Variants in LZTFL1 observed in about 807,000 individuals in gnomAD.
LZTFL1 encodes the protein leucine zipper transcription factor-like protein 1.
LZTFL1 carries 25 observed loss-of-function variants against 45.9 expected under a neutral mutation model. The observed-to-expected ratio is 0.54, with a 90% CI of 0.40 to 0.76. The LOEUF (loss-of-function observed/expected upper bound fraction) is 0.76. Among genes scored for constraint, LZTFL1 ranks in the 30% least tolerant of loss-of-function variants. The probability of loss-of-function intolerance (pLI) is 0.00; values close to 1 mark genes in which losing one functional copy is unlikely to be tolerated. For missense variants in LZTFL1, 277 were observed against 331.1 expected (o/e 0.84, Z 1.27); for synonymous variants, 93 against 117.4 (o/e 0.79, Z 1.35).
At chr3:45,874,765 T>C (rs575398624) in intron 2 of LZTFL1, among the ~76,000 whole-genome samples, 15 of 152,244 alleles carry the variant, frequency 9.9e-5, no homozygotes, top group Non-Finnish European at 2.1e-4. Flanking sequence ...ACCAATAGTA[T>C]GCAACAAAGT....
chr3:45,834,696 T>C (rs910486851), intron 3 of LZTFL1: 1 of 157,834 alleles, frequency 6.3e-6, no homozygotes, highest in Non-Finnish European at 1.4e-5. Context: ...CTCAGAAAAA[T>C]GAAAATAGTC....
chr3:45,839,214 G>A (rs1289204331), intron 1 of LZTFL1, among the ~76,000 whole-genome samples: 8 of 151,954 alleles, frequency 5.3e-5, no homozygotes, highest in African/African-American at 1.5e-4. Context: ...TCAGGCTCCC[G>A]AGTAGCTGGG....
chr3:45,869,207 G>T (rs569253879), intron 2 of LZTFL1, among the ~76,000 whole-genome samples: 67 of 152,358 alleles, frequency 4.4e-4, no homozygotes, highest in African/African-American at 1.5e-3. Context: ...GAGGACCATG[G>T]ATAAAGGCCA....
intron 2 of LZTFL1, among the ~76,000 whole-genome samples, chr3:45,892,403 C>A (rs750880743): frequency 9.9e-5 from 15 of 152,132 alleles, no homozygotes; most frequent in Non-Finnish European, 2.1e-4. Context: ...AGATCCTGTC[C>A]TTTGAAGCAA....
chr3:45,828,483 G>A lies in LZTFL1; in HGVS notation c.733C>T (p.His245Tyr), dbSNP rs890441977. 1 of 1,614,242 alleles carries A rather than the reference G, an allele frequency of 6.2e-7. No individual in the cohort carries two copies. The highest frequency in any genetic ancestry group is 8.5e-7 in the Non-Finnish European group (1 of 1,180,038). ...SLEENLATAK[H>Y]DLLRVQEQLH... is the part of the protein sequence containing the mutation. ...TGCTCCTGAACCCTGAGTAGATCGT[G>A]CTTGGCTGTCGCCAGATTCTCCTCC... The change falls in exon 8 of 10, where the codon CAC becomes TAC. Residue 245 changes from histidine to tyrosine, a missense_variant. His to Tyr is a moderately conservative substitution (Grantham distance 83, BLOSUM62 2). Transcript: ENST00000296135.
chr3:45,864,620 A>G (rs1221051792), intron 2 of LZTFL1, among the ~76,000 whole-genome samples: 2 of 152,236 alleles, frequency 1.3e-5, no homozygotes, highest in Middle Eastern at 3.2e-3. Flanking sequence ...TAATAAGTGT[A>G]AAAGATTTAG....
At chr3:45,882,623 T>G (rs575606561) in intron 2 of LZTFL1, among the ~76,000 whole-genome samples, 1 of 152,272 alleles carries the variant, frequency 6.6e-6, no homozygotes, top group South Asian at 2.1e-4. Context: ...GACTTGATCA[T>G]ATATTGTAAT....
chr3:45,831,974 A>G (rs1335360260), intron 5 of LZTFL1, among the ~76,000 whole-genome samples: 1 of 152,088 alleles, frequency 6.6e-6, no homozygotes, highest in East Asian at 1.9e-4. Flanking sequence ...GGTGGCTCAC[A>G]CCTGTAATCC....
In LZTFL1 at chr3:45,831,145, G is replaced by A; in HGVS notation, c.457-7C>T. 6.6e-7 allele frequency: 1 copy of A among 1,524,114 alleles called. No homozygotes were observed. The highest frequency in any genetic ancestry group is 8.9e-7 in the Non-Finnish European group (1 of 1,124,332). The allele number at this position is 1,524,114 out of a possible 1,614,324, so 94.4% of individuals were successfully genotyped here. A position where few individuals can be genotyped will look rare whatever the true frequency, so the allele number is the denominator to read the frequency against. ...CTTGAAGTCTTAAAATTTCCTTTGT[G>A]AGTAAATTCAAATTTTATTATATTA... On this transcript the variant is annotated splice_polypyrimidine_tract_variant and splice_region_variant and intron_variant, in intron 5 of 9. Coordinates refer to ENST00000296135, the MANE Select transcript of LZTFL1 (RefSeq NM_020347.4).
chr3:45,913,938 T>C (rs1216990457), intron 1 of LZTFL1, among the ~76,000 whole-genome samples: 2 of 152,204 alleles, frequency 1.3e-5, no homozygotes, highest in Admixed American at 6.5e-5. Context: ...ATATAAGCCA[T>C]AAAAAAGTTA....
At chr3:45,913,660 G>A (rs1374722947) in intron 1 of LZTFL1, among the ~76,000 whole-genome samples, 1 of 152,186 alleles carries the variant, frequency 6.6e-6, no homozygotes, top group Non-Finnish European at 1.5e-5. Flanking sequence ...GTTGTCTCTA[G>A]TCATAATTGA....
At chr3:45,833,708 T>C (rs1700893093) in intron 4 of LZTFL1, among the ~76,000 whole-genome samples, 1 of 152,238 alleles carries the variant, frequency 6.6e-6, no homozygotes, top group South Asian at 2.1e-4. Flanking sequence ...TGTATGTACA[T>C]AGATTCATCT....
intron 2 of LZTFL1, among the ~76,000 whole-genome samples, chr3:45,877,900 T>C (rs7627901): frequency 0.22 from 33,097 of 151,664 alleles, 4,127 homozygotes; most frequent in African/African-American, 0.34. Flanking sequence ...CGCCTGCCAC[T>C]ATGCCTGGCT....
At chr3:45,842,684 A>C (rs1434692741), upstream of LZTFL1, among the ~76,000 whole-genome samples, 1 of 152,166 alleles carries the variant, frequency 6.6e-6, no homozygotes, top group Non-Finnish European at 1.5e-5. Context: ...AAAATGCAAA[A>C]AGCATGGGTT....
intron 2 of LZTFL1, among the ~76,000 whole-genome samples, chr3:45,907,025 C>T (rs886304308): frequency 6.6e-6 from 1 of 152,236 alleles, no homozygotes; most frequent in African/African-American, 2.4e-5. Flanking sequence ...CCCCAGATCT[C>T]CTCTGCAGCC....
intron 2 of LZTFL1, among the ~76,000 whole-genome samples, chr3:45,875,572 A>G (rs1318490464): frequency 6.6e-6 from 1 of 152,234 alleles, no homozygotes. Flanking sequence ...CTGTAATCCT[A>G]GCACTTTAGG....
At chr3:45,896,504 T>A (rs903518780) in intron 2 of LZTFL1, among the ~76,000 whole-genome samples, 1 of 152,180 alleles carries the variant, frequency 6.6e-6, no homozygotes, top group Non-Finnish European at 1.5e-5. Flanking sequence ...TCCCTCAGCG[T>A]CACAGTAAAG....
intron 2 of LZTFL1, among the ~76,000 whole-genome samples, chr3:45,889,972 T>C (rs1702097682): frequency 6.6e-6 from 1 of 151,264 alleles, no homozygotes; most frequent in Non-Finnish European, 1.5e-5. Flanking sequence ...GAGTCAGAGA[T>C]GTTGTGCTTT....
At chr3:45,827,996 C>T (rs1178357460) in intron 8 of LZTFL1, among the ~76,000 whole-genome samples, 2 of 152,128 alleles carry the variant, frequency 1.3e-5, no homozygotes, top group Admixed American at 6.5e-5. Context: ...AGCCACTGCA[C>T]CCGGCCTCAA....
Sources: allele counts gnomAD v4.1 joint callset (sites outside exome capture counted in the v4.1 genomes callset), GRCh38; gene constraint gnomAD v4.1.1; transcripts MANE v1.5; gene names NCBI Gene and HGNC (gene_info 2026-07-23, HGNC 2026-07-21).